The following TMEM218 variants were observed in gnomAD, a reference collection of about 807,000 sequenced individuals.
The protein encoded by TMEM218 is transmembrane protein 218.
In TMEM218, 8 loss-of-function variants were observed where a neutral mutation model predicts 10.0. That is an observed-to-expected ratio of 0.80 (90% CI 0.47 to 1.44). TMEM218 has a LOEUF of 1.44. Ranked by LOEUF, TMEM218 falls within the 40% of genes most tolerant of loss-of-function variation. The pLI is 0.00. For synonymous variants in TMEM218, 66 were observed against 63.5 expected, an observed-to-expected ratio of 1.04 and a Z score of -0.18; for missense variants, 110 against 140.1, an observed-to-expected ratio of 0.79 and a Z score of 1.08.
intron 2 of TMEM218, 85 bp from the exon 3 acceptor site, chr11:125,102,402 C>T: frequency 6.6e-7 from 1 of 1,515,310 alleles, no homozygotes; most frequent in East Asian, 2.5e-5. Flanking sequence ...AGGAGGATTA[C>T]TCAGTACAGG....
Position 125,108,848 on chromosome 11 carries a change from T to C in TMEM218, c.-153+2691A>G, listed in dbSNP as rs1385679560. ...CACAGGATGCAGGACAATTCTTCGT[T>C]GTGAGGACTGTCCCATACATTACAG... On this transcript the variant is annotated intron_variant, in intron 1 of 4. Coordinates refer to ENST00000682305, the MANE Select transcript of TMEM218 (RefSeq NM_001258244.2). The surrounding 1 kb of genome is among the most constrained non-coding windows in gnomAD (Gnocchi z 5.3). Among the ~76,000 whole-genome samples, 1 of 152,192 alleles carries C rather than the reference T, an allele frequency of 6.6e-6. No individual in the cohort carries two copies. Among genetic ancestry groups the C allele is most frequent in the Non-Finnish European group, 1.5e-5 (1 of 68,030 alleles).
At chr11:125,101,129 G>C in intron 4 of TMEM218, 72 bp downstream of exon 4, 2 of 1,260,456 alleles carry the variant, frequency 1.6e-6, no homozygotes, top group Non-Finnish European at 2.3e-6. Flanking sequence ...AACATCAAGG[G>C]CAGGACGGAT....
intron 1 of TMEM218, among the ~76,000 whole-genome samples, chr11:125,105,237 G>A (rs1484918980): frequency 6.6e-6 from 1 of 152,180 alleles, no homozygotes; most frequent in African/African-American, 2.4e-5. Context: ...CTACCGATGT[G>A]ATATGGGAAT....
intron 4 of TMEM218, among the ~76,000 whole-genome samples, chr11:125,099,323 C>T (rs1950253336): frequency 1.3e-5 from 2 of 152,226 alleles, no homozygotes; most frequent in Admixed American, 1.3e-4. Flanking sequence ...ACACGTTTCA[C>T]TTTTTAATTA....
At chr11:125,110,735 C>T (rs1420341407) in intron 1 of TMEM218, 1 of 151,618 alleles carries the variant, frequency 6.6e-6, no homozygotes, top group Non-Finnish European at 1.5e-5. Flanking sequence ...GATTTTCACA[C>T]TGACTCAAGC....
At position 125,097,706 on chromosome 11, in the gene TMEM218, A is replaced by G; in HGVS notation, c.248T>C (p.Leu83Pro). 1 of 1,614,144 alleles carries G rather than the reference A, an allele frequency of 6.2e-7. No homozygotes were observed. The highest frequency in any genetic ancestry group is 8.5e-7 in the Non-Finnish European group (1 of 1,179,990). Residue 83 changes from leucine (L) to proline (P), a missense_variant, in exon 5 of 5, where the codon CTG (leucine) becomes CCG (proline). By Grantham distance (98) the Leu-to-Pro change is moderately conservative. Transcript: ENST00000682305. ...GAAGATGGCACTAAGGAAAGCCAGC[A>G]GGACATAGCGGCCAATGAAAAAGTC... ...VDDFFIGRYV[L>P]LAFLSAIFLG...
chr11:125,098,713 A>G (rs1950110459), intron 4 of TMEM218, among the ~76,000 whole-genome samples: 2 of 152,214 alleles, frequency 1.3e-5, no homozygotes, highest in African/African-American at 4.8e-5. Context: ...AAGATTGCCA[A>G]TCAGCTGCCC....
At chr11:125,101,361 T>G in intron 3 of TMEM218, 58 bp from the exon 4 acceptor site, 5 of 1,559,126 alleles carry the variant, frequency 3.2e-6, no homozygotes, top group Non-Finnish European at 4.4e-6. Flanking sequence ...CTTTGATCAG[T>G]TAGGTCTGGA....
At chr11:125,110,295 T>C (rs1953488037) in intron 1 of TMEM218, among the ~76,000 whole-genome samples, 1 of 152,200 alleles carries the variant, frequency 6.6e-6, no homozygotes, top group African/African-American at 2.4e-5. Context: ...ATTTACTTAA[T>C]ATCTGTGGCA....
intron 1 of TMEM218, among the ~76,000 whole-genome samples, chr11:125,111,089 C>T (rs1158063121): frequency 6.6e-6 from 1 of 151,988 alleles, no homozygotes; most frequent in African/African-American, 2.4e-5. Flanking sequence ...CTCTCCTGGA[C>T]GGTGTTGTGG....
At chr11:125,101,460 C>A in intron 3 of TMEM218, 157 bp from the exon 4 acceptor site, 1 of 1,531,548 alleles carries the variant, frequency 6.5e-7, no homozygotes, top group Non-Finnish European at 8.7e-7. Flanking sequence ...ATCCCAAAGT[C>A]CTTCTTCCTA....
rs201696124 is a variant in TMEM218 at position 125,101,183 on chromosome 11, C to T, written c.213+18G>A. 3.4e-5 allele frequency: 55 copies of T among 1,608,738 alleles called. No homozygotes were observed. The highest frequency in any genetic ancestry group is 8.0e-5 in the African/African-American group (6 of 74,880). On this transcript the variant is annotated intron_variant, in intron 4 of 4. Transcript: ENST00000682305. The stretch of plus-strand genomic sequence containing the variant: ...AAGAATCACAGCTCAGGAGGCAAAA[C>T]GAAAGCAACAGCTTTACCTTAACTT...
In TMEM218 at chr11:125,102,226, G is replaced by A; in HGVS notation, c.16C>T (p.Leu6Phe). 1.2e-6 allele frequency: 2 copies of A among 1,613,038 alleles called. No homozygotes were observed. Among genetic ancestry groups the A allele is most frequent in the Admixed American group, 1.7e-5 (1 of 59,934 alleles). MAGTV[L>F]GVGAGVFILA... ...ATGAACACGCCCGCACCGACTCCGA[G>A]CACAGTGCCAGCCATCCCGCGGGGA... Residue 6 changes from leucine to phenylalanine, a missense_variant, in exon 3 of 5, where the codon CTC becomes TTC. By Grantham distance (22) the Leu-to-Phe change is conservative. Coordinates refer to ENST00000682305, the MANE Select transcript of TMEM218 (RefSeq NM_001258244.2).
chr11:125,095,095 C>G lies in TMEM218; in HGVS notation c.*2511G>C, dbSNP rs1949463627. Reference sequence around the variant, plus strand: ...AACTTAACAAATTACCCATTGTGATCTCCATTGTGGGGATAGGGTGGTATC... The same window carrying G: ...AACTTAACAAATTACCCATTGTGATGTCCATTGTGGGGATAGGGTGGTATC... On this transcript the variant is annotated 3_prime_UTR_variant, in exon 5 of 5. Transcript: ENST00000682305. Among the ~76,000 whole-genome samples, 1 of 152,202 alleles carries G rather than the reference C, an allele frequency of 6.6e-6. No individual in the cohort carries two copies. The highest frequency in any genetic ancestry group is 2.1e-4 in the South Asian group (1 of 4,828).
chr11:125,098,875 T>C (rs1252237725), intron 4 of TMEM218, among the ~76,000 whole-genome samples: 1 of 152,090 alleles, frequency 6.6e-6, no homozygotes, highest in Admixed American at 6.6e-5. Context: ...TCACTGGCTC[T>C]GAAGATGGAG....
rs1000713991 is a variant in TMEM218, at chr11:125,102,729, C to T, written c.-77+5G>A. ...GTTAAATCCATGGTGTGAGCTGTGA[C>T]TCACCAGGCAATGGATCACAAGACA... On this transcript the variant is annotated splice_donor_5th_base_variant and intron_variant, in intron 2 of 4. Coordinates refer to ENST00000682305, the MANE Select transcript of TMEM218 (RefSeq NM_001258244.2). 39 of 1,287,832 alleles carry T rather than the reference C, an allele frequency of 3.0e-5. No homozygotes were observed. The highest frequency in any genetic ancestry group is 3.9e-5 in the Non-Finnish European group (39 of 988,188). The allele number at this position is 1,287,832 out of a possible 1,614,324, so 79.8% of individuals were successfully genotyped here. A position where few individuals can be genotyped will look rare whatever the true frequency, so the allele number is the denominator to read the frequency against.
chr11:125,106,023 G>A (rs1303112610), intron 1 of TMEM218, among the ~76,000 whole-genome samples: 3 of 152,028 alleles, frequency 2.0e-5, no homozygotes, highest in Admixed American at 6.6e-5. Flanking sequence ...TAAAGAGATT[G>A]AGAAAGACAT....
At chr11:125,106,207 TTC>T (rs2135891253) in intron 1 of TMEM218, among the ~76,000 whole-genome samples, 1 of 152,208 alleles carries the variant, frequency 6.6e-6, no homozygotes, top group South Asian at 2.1e-4. Flanking sequence ...AGACAGGAAA[TTC>T]TGTTTTTTTG....
rs55752705 is a variant in TMEM218, at chr11:125,095,630, A to AT, written c.*1975dup. On this transcript the variant is annotated 3_prime_UTR_variant, in exon 5 of 5. Transcript: ENST00000682305. ...AGCTGAAATAAACTTTGCACAGGGT[A>AT]TTTTTTTTTTTTTCCTAAAGCCAAT... Among the ~76,000 whole-genome samples, 5,896 of 145,690 alleles carry AT rather than the reference A, an allele frequency of 0.04. 277 individuals carry two copies. The highest frequency in any genetic ancestry group is 0.12 in the African/African-American group (4,658 of 39,988).
Sources: gnomAD v4.1 joint callset for allele counts (sites outside exome capture counted in the v4.1 genomes callset) on GRCh38, gnomAD v4.1.1 for gene constraint, Gnocchi (gnomAD v3.1) non-coding constraint, MANE v1.5 for transcripts, NCBI Gene and HGNC (gene_info 2026-07-23, HGNC 2026-07-21) for gene names.